The following CADPS2 variants were observed in gnomAD, a reference collection of about 807,000 sequenced individuals.
CADPS2 encodes the protein calcium dependent secretion activator 2.
In CADPS2, 93 loss-of-function variants were observed where a neutral mutation model predicts 172.5. The ratio of observed to expected loss-of-function variants is 0.54; its 90% confidence interval spans 0.46 to 0.64. The LOEUF is 0.64. CADPS2 is among the 30% of genes least tolerant of loss of function. The pLI, the probability that CADPS2 is intolerant of heterozygous loss-of-function variation, is 0.00. For synonymous variants in CADPS2, 546 were observed against 555.2 expected, an observed-to-expected ratio of 0.98 and a Z score of 0.23; for missense variants, 1,420 against 1,565.9, an observed-to-expected ratio of 0.91 and a Z score of 1.57.
chr7:122,884,251 C>T (rs1823700232), intron 1 of CADPS2, among the ~76,000 whole-genome samples: 1 of 152,028 alleles, frequency 6.6e-6, no homozygotes, highest in South Asian at 2.1e-4. Flanking sequence ...ACAACATATA[C>T]AAAAAATAGT....
At chr7:122,672,599 T>G (rs368078375) in intron 2 of CADPS2, among the ~76,000 whole-genome samples, 7 of 152,160 alleles carry the variant, frequency 4.6e-5, no homozygotes, top group Non-Finnish European at 7.4e-5. Flanking sequence ...CCTGGGAGAA[T>G]AGAGACAGAA....
chr7:122,602,101 T>A (rs2133506507), intron 6 of CADPS2, among the ~76,000 whole-genome samples: 2 of 151,966 alleles, frequency 1.3e-5, no homozygotes, highest in Middle Eastern at 6.8e-3. Flanking sequence ...TGGTTTGAGT[T>A]AAAAGTTTCC....
chr7:122,580,801 G>A (rs2068710076), intron 7 of CADPS2, among the ~76,000 whole-genome samples: 1 of 152,104 alleles, frequency 6.6e-6, no homozygotes, highest in Non-Finnish European at 1.5e-5. Context: ...AAGAGCAGAT[G>A]ATTTCAAATA....
chr7:122,320,066 G>T lies in CADPS2; in HGVS notation c.*99C>A. 1 of 1,185,098 alleles carries T rather than the reference G, an allele frequency of 8.4e-7. No individual in the cohort carries two copies. The highest frequency in any genetic ancestry group is 1.1e-6 in the Non-Finnish European group (1 of 902,772). 73.4% of individuals were successfully genotyped at this position (1,185,098 alleles called of 1,614,324 possible). ...TAAAGAAATACAAGCATTTTTATTT[G>T]GCCAAAACAAACAATGAATGTAATT... On this transcript the variant is annotated 3_prime_UTR_variant, in exon 30 of 30. Coordinates refer to ENST00000449022, the MANE Select transcript of CADPS2 (RefSeq NM_017954.11).
chr7:122,519,866 T>TTC (rs2060647608), intron 8 of CADPS2, among the ~76,000 whole-genome samples: 1 of 151,944 alleles, frequency 6.6e-6, no homozygotes, highest in African/African-American at 2.4e-5. Context: ...CTAATTGATT[T>TTC]TTTTTTAAAG....
intron 1 of CADPS2, among the ~76,000 whole-genome samples, chr7:122,877,430 A>T (rs1213131674): frequency 6.6e-6 from 1 of 152,170 alleles, no homozygotes; most frequent in African/African-American, 2.4e-5. Flanking sequence ...GAAACAAAAG[A>T]GGTATAGCTA....
chr7:122,489,775 A>G (rs2058127420), intron 11 of CADPS2, among the ~76,000 whole-genome samples: 1 of 152,154 alleles, frequency 6.6e-6, no homozygotes, highest in Non-Finnish European at 1.5e-5. Context: ...GACTTAAGTC[A>G]AAAATCACAA....
chr7:122,782,601 AC>A (rs1290586854), intron 1 of CADPS2, among the ~76,000 whole-genome samples: 1 of 152,074 alleles, frequency 6.6e-6, no homozygotes, highest in African/African-American at 2.4e-5. Flanking sequence ...ACAGAGTGAG[AC>A]CCTGTCTCAG....
intron 6 of CADPS2, among the ~76,000 whole-genome samples, chr7:122,597,134 T>C (rs2071935885): frequency 6.6e-6 from 1 of 152,066 alleles, no homozygotes; most frequent in African/African-American, 2.4e-5. Context: ...CACCTCTCAT[T>C]TGGCCCCACC....
At chr7:122,430,191 T>G (rs1162494794) in intron 17 of CADPS2, among the ~76,000 whole-genome samples, 1 of 152,198 alleles carries the variant, frequency 6.6e-6, no homozygotes, top group Non-Finnish European at 1.5e-5. Flanking sequence ...CCAAAGACTT[T>G]GCTTATTCAT....
intron 26 of CADPS2, 50 bp from the exon 27 acceptor site, chr7:122,360,870 C>T (rs1192627753): frequency 6.3e-7 from 1 of 1,593,310 alleles, no homozygotes; most frequent in Non-Finnish European, 8.6e-7. Flanking sequence ...TTTTAACTGC[C>T]ATATAAGTAC....
At chr7:122,683,024 C>T (rs1212830357) in intron 2 of CADPS2, among the ~76,000 whole-genome samples, 1 of 152,222 alleles carries the variant, frequency 6.6e-6, no homozygotes, top group Admixed American at 6.5e-5. Context: ...CCTGGAGCAG[C>T]TCCCAGCCCC....
At chr7:122,837,289 G>T (rs1331141878) in intron 1 of CADPS2, among the ~76,000 whole-genome samples, 1 of 152,108 alleles carries the variant, frequency 6.6e-6, no homozygotes, top group African/African-American at 2.4e-5. Flanking sequence ...GTGGGTAGAG[G>T]GAAATTTATA....
chr7:122,733,007 GA>G (rs2091835156), intron 2 of CADPS2, among the ~76,000 whole-genome samples: 1 of 150,210 alleles, frequency 6.7e-6, no homozygotes, highest in East Asian at 1.9e-4. Context: ...ACCACTTAAA[GA>G]TTATTAATAG....
chr7:122,847,473 A>C (rs957436774), intron 1 of CADPS2, among the ~76,000 whole-genome samples: 6 of 152,076 alleles, frequency 3.9e-5, no homozygotes, highest in African/African-American at 1.4e-4. Context: ...TGAGTCTTTT[A>C]CTTTCTTCAA....
At chr7:122,807,854 A>G (rs1799131317) in intron 1 of CADPS2, among the ~76,000 whole-genome samples, 1 of 152,198 alleles carries the variant, frequency 6.6e-6, no homozygotes, top group Non-Finnish European at 1.5e-5. Flanking sequence ...AGGGATCACC[A>G]AAAAGGCCTC....
chr7:122,341,280 C>T (rs1052098404), intron 28 of CADPS2, among the ~76,000 whole-genome samples: 6 of 152,204 alleles, frequency 3.9e-5, no homozygotes. Flanking sequence ...CTTGTTTTCA[C>T]ATGGCTATCA....
intron 2 of CADPS2, among the ~76,000 whole-genome samples, chr7:122,700,823 G>C (rs2085933868): frequency 6.6e-6 from 1 of 152,062 alleles, no homozygotes; most frequent in Admixed American, 6.6e-5. Context: ...AGGATTTAAA[G>C]AGCTCTGGCA....
At chr7:122,731,989 T>A (rs1019672031) in intron 2 of CADPS2, among the ~76,000 whole-genome samples, 1 of 151,786 alleles carries the variant, frequency 6.6e-6, no homozygotes, top group African/African-American at 2.4e-5. Context: ...ATTAAAAATA[T>A]GATATAAATT....
Sources: gnomAD v4.1 joint callset for allele counts (sites outside exome capture counted in the v4.1 genomes callset) on GRCh38, gnomAD v4.1.1 for gene constraint, MANE v1.5 for transcripts, NCBI Gene and HGNC (gene_info 2026-07-23, HGNC 2026-07-21) for gene names.